Variants in PARP14 observed in about 807,000 individuals in gnomAD.
PARP14 encodes the protein protein mono-ADP-ribosyltransferase PARP14.
Under a neutral mutation model 154.2 loss-of-function variants are expected in PARP14, and 59 were observed. That is an observed-to-expected ratio of 0.38 (90% CI 0.31 to 0.48). The LOEUF (loss-of-function observed/expected upper bound fraction) is 0.48, where lower values mean the gene tolerates loss of function less well. Ranked by LOEUF, PARP14 falls within the 20% of genes least tolerant of loss-of-function variation. The probability of loss-of-function intolerance (pLI) is 0.98; values close to 1 mark genes in which losing one functional copy is unlikely to be tolerated. For missense variants in PARP14, 1,734 were observed against 2,131.6 expected, an observed-to-expected ratio of 0.81 and a Z score of 3.67; for synonymous variants, 720 against 780.5, an observed-to-expected ratio of 0.92 and a Z score of 1.29.
chr3:122,695,494 C>A lies in PARP14; in HGVS notation c.667C>A (p.Leu223Ile), dbSNP rs1938743958. The change falls in exon 5 of 17, where the codon CTT becomes ATT. Residue 223 changes from leucine (L) to isoleucine (I), a missense_variant. Around this residue, in one of 2 missense-constraint regions of PARP14, gnomAD observed 1,646 missense variants for 1,976.0 expected, o/e 0.83. Coordinates refer to ENST00000474629, the MANE Select transcript of PARP14 (RefSeq NM_017554.3). ...TAAACAACTTCAGCTTTCTCCAAGA[C>A]TTCTGGAAGTGACAAACACAATCAG... The part of the protein sequence containing the change: ...SIKQLQLSPR[L>I]LEVTNTIRVE... The A allele has an allele frequency of 6.2e-7, 1 of 1,610,320 alleles. No homozygotes were observed. Among genetic ancestry groups the A allele is most frequent in the Non-Finnish European group, 8.5e-7 (1 of 1,177,646 alleles).
At position 122,718,847 on chromosome 3, in the gene PARP14, A is replaced by AT. The variant is rs781766635; in HGVS notation, c.4696_4697insT (p.Thr1566IlefsTer3). Reference sequence around the variant, plus strand: ...GGATGCAAGGAGAGAAAAGAAAAAAACAGTTGATGTCAAAATTAATCATCG... The same window carrying AT: ...GGATGCAAGGAGAGAAAAGAAAAAAATCAGTTGATGTCAAAATTAATCATCG... On this transcript the variant is annotated frameshift_variant, in exon 14 of 17. Transcript: ENST00000474629. LOFTEE classifies it high-confidence loss of function. 3.1e-6 allele frequency: 5 copies of AT among 1,614,014 alleles called. No homozygotes were observed.
intron 15 of PARP14, chr3:122,720,615 T>C (rs1037234035): frequency 3.5e-6 from 2 of 573,360 alleles, no homozygotes; most frequent in African/African-American, 1.9e-5. Context: ...GATAGAACAC[T>C]AAAGACATAT....
At position 122,681,098 on chromosome 3, in the gene PARP14, A is replaced by T; in HGVS notation, c.187+28A>T. The T allele has an allele frequency of 7.4e-7, 1 of 1,349,922 alleles. No individual in the cohort carries two copies. 83.6% of individuals were successfully genotyped at this position (1,349,922 alleles called of 1,614,324 possible). On this transcript the variant is annotated intron_variant, in intron 1 of 16. Transcript: ENST00000474629. This position sits in a 1 kb window ranked among gnomAD's most constrained non-coding sequence, Gnocchi z 5.5. The stretch of plus-strand genomic sequence containing the variant: ...GAGGGGCGCGAGGGGTGGGGTGAGG[A>T]GGGGGCACCTCTGCCCTCCCTCCAG...
rs1259333125 is a variant in PARP14, at chr3:122,699,738, G to C, written c.1184G>C (p.Arg395Thr). The C allele has an allele frequency of 6.2e-7, 1 of 1,613,890 alleles. No homozygotes were observed. Among genetic ancestry groups the C allele is most frequent in the Admixed American group, 1.7e-5 (1 of 60,018 alleles). Reference sequence around the variant, plus strand: ...ACTTCCACAACACTCTCTAGCATCAGGTCTAAATATAAAGTCAACCCAATT... The same window carrying C: ...ACTTCCACAACACTCTCTAGCATCACGTCTAAATATAAAGTCAACCCAATT... ...ADTSTTLSSIRSKYKVNPIKV... is the reference protein window; with the variant it reads ...ADTSTTLSSITSKYKVNPIKV... Residue 395 changes from arginine (R) to threonine (T), a missense_variant, in exon 6 of 17, where the codon AGG (arginine) becomes ACG (threonine). Coordinates refer to ENST00000474629, the MANE Select transcript of PARP14 (RefSeq NM_017554.3).
intron 2 of PARP14, 68 bp downstream of exon 2, chr3:122,685,386 A>G (rs1200262768): frequency 4.2e-5 from 59 of 1,411,704 alleles, no homozygotes; most frequent in Non-Finnish European, 5.7e-5. Flanking sequence ...GGGAATCACC[A>G]TGAAGAAAAT....
intron 2 of PARP14, chr3:122,686,861 G>T: frequency 2.0e-6 from 1 of 506,326 alleles, no homozygotes; most frequent in East Asian, 3.2e-5. Context: ...GTTAATTGAG[G>T]TTTCTGTTAT....
In PARP14 at chr3:122,700,166, G is replaced by C. The variant is rs1487954301; in HGVS notation, c.1612G>C (p.Val538Leu). The stretch of plus-strand genomic sequence containing the variant: ...CACCATGGCTCAGAAAAACATTCAG[G>C]TTTCTCCTGAGATTTTTCAGTTTTT... ...VYTMAQKNIQ[V>L]SPEIFQFLQQ... Residue 538 changes from valine (V) to leucine (L), a missense_variant, in exon 6 of 17, where the codon GTT becomes CTT. Val to Leu is a conservative substitution (Grantham distance 32). Around this residue, in one of 2 missense-constraint regions of PARP14, gnomAD observed 1,646 missense variants for 1,976.0 expected, o/e 0.83. Coordinates refer to ENST00000474629, the MANE Select transcript of PARP14 (RefSeq NM_017554.3). 6.2e-7 allele frequency: 1 copy of C among 1,613,070 alleles called. No individual in the cohort carries two copies. The highest frequency in any genetic ancestry group is 8.5e-7 in the Non-Finnish European group (1 of 1,179,418).
Position 122,700,305 on chromosome 3 carries a change from C to T in PARP14, c.1751C>T (p.Ala584Val), listed in dbSNP as rs750564413. 1 of 1,613,304 alleles carries T rather than the reference C, an allele frequency of 6.2e-7. No homozygotes were observed. Among genetic ancestry groups the T allele is most frequent in the South Asian group, 1.1e-5 (1 of 90,980 alleles). The change falls in exon 6 of 17, where the codon GCC (alanine) becomes GTC (valine). Residue 584 changes from alanine (A) to valine (V), a missense_variant. Physicochemically the swap from Ala to Val is moderately conservative, Grantham distance 64. This residue lies in a region of PARP14 where 1,646 missense variants were observed against 1,976.0 expected (regional missense o/e 0.83). Coordinates refer to ENST00000474629, the MANE Select transcript of PARP14 (RefSeq NM_017554.3). Reference sequence around the variant, plus strand: ...CTCTTAACCAGCTGTTCTTCTGAAGCCCTGTTAGAAGCAGAAAAGCAAATG... The same window carrying T: ...CTCTTAACCAGCTGTTCTTCTGAAGTCCTGTTAGAAGCAGAAAAGCAAATG... ...TVLLTSCSSE[A>V]LLEAEKQMLS... is the part of the protein sequence containing the mutation.
At chr3:122,716,884 T>C (rs1449131230) in intron 12 of PARP14, among the ~76,000 whole-genome samples, 2 of 152,224 alleles carry the variant, frequency 1.3e-5, no homozygotes, top group Non-Finnish European at 2.9e-5. Context: ...TTTCACCTGT[T>C]GATCACCTGT....
chr3:122,709,221 G>A (rs1560072081), intron 9 of PARP14, among the ~76,000 whole-genome samples: 1 of 150,802 alleles, frequency 6.6e-6, no homozygotes, highest in Non-Finnish European at 1.5e-5. Flanking sequence ...CCTTCCCCCT[G>A]GAGTCCCCAA....
Position 122,700,914 on chromosome 3 carries a change from C to T in PARP14, c.2360C>T (p.Pro787Leu), listed in dbSNP as rs774915593. Residue 787 changes from proline (P) to leucine (L), a missense_variant, in exon 6 of 17, where the codon CCC (proline) becomes CTC (leucine). By Grantham distance (98) the Pro-to-Leu change is moderately conservative. Transcript: ENST00000474629. ...GAAGTAATGAAGGAGGGAGGCAGCCCCGCTGGGCAGAAGTGCTTCTCTCGG... is the reference window on the plus strand; with the variant it reads ...GAAGTAATGAAGGAGGGAGGCAGCCTCGCTGGGCAGAAGTGCTTCTCTCGG... ...ENEVMKEGGS[P>L]AGQKCFSRTV... The T allele has an allele frequency of 8.7e-6, 14 of 1,613,998 alleles. No individual in the cohort carries two copies. In the Admixed American group the frequency reaches 2.2e-4, roughly 25 times the overall value.
intron 8 of PARP14, among the ~76,000 whole-genome samples, chr3:122,706,702 C>G (rs1002031000): frequency 2.0e-5 from 3 of 152,108 alleles, no homozygotes; most frequent in African/African-American, 7.2e-5. Flanking sequence ...GGTTCCTTCT[C>G]CCATTATTGC....
chr3:122,722,818 G>A (rs1933192570), intron 15 of PARP14, among the ~76,000 whole-genome samples: 1 of 152,084 alleles, frequency 6.6e-6, no homozygotes, highest in Admixed American at 6.5e-5. Context: ...CAGACATCAT[G>A]ATACTCCTAT....
chr3:122,722,564 T>C (rs1166856670), intron 15 of PARP14: 7 of 152,186 alleles, frequency 4.6e-5, no homozygotes, highest in Non-Finnish European at 8.8e-5. Flanking sequence ...TAAAATCTTA[T>C]GTGAAATCCC....
Position 122,703,744 on chromosome 3 carries a change from C to T in PARP14, c.3084C>T (p.Thr1028=), listed in dbSNP as rs201071811. 1.4e-4 allele frequency: 220 copies of T among 1,576,416 alleles called. 2 individuals carry two copies. The African/African-American group carries it at 2.5e-3, about 18-fold the overall frequency. The change falls in exon 7 of 17, where the codon ACC becomes ACT. Residue 1028 remains threonine (T), a splice_region_variant and synonymous_variant. Coordinates refer to ENST00000474629, the MANE Select transcript of PARP14 (RefSeq NM_017554.3). ...LVKEGVQNAK[T]DVVVNSVPLD... is the part of the protein sequence containing the mutation. Reference sequence around the variant, plus strand: ...AAATTTTTGGTTTTGTCTTTAAGACCGATGTTGTTGTCAACTCCGTTCCCT... The same window carrying T: ...AAATTTTTGGTTTTGTCTTTAAGACTGATGTTGTTGTCAACTCCGTTCCCT...
At chr3:122,725,472 T>C (rs1560087307) in intron 15 of PARP14, among the ~76,000 whole-genome samples, 1 of 152,236 alleles carries the variant, frequency 6.6e-6, no homozygotes, top group African/African-American at 2.4e-5. Flanking sequence ...TCATTTTGTG[T>C]ACAAAATGAA....
intron 1 of PARP14, among the ~76,000 whole-genome samples, chr3:122,682,835 G>A (rs571535726): frequency 2.0e-5 from 3 of 152,140 alleles, no homozygotes; most frequent in South Asian, 4.2e-4. Flanking sequence ...GGTGGATGAC[G>A]AGTTGAGGAG....
Position 122,718,252 on chromosome 3 carries a change from A to G in PARP14, c.4182A>G (p.Gln1394=), listed in dbSNP as rs1933050347. The change falls in exon 13 of 17, where the codon CAA becomes CAG. Residue 1394 remains glutamine (Q), a synonymous_variant. Coordinates refer to ENST00000474629, the MANE Select transcript of PARP14 (RefSeq NM_017554.3). ...GAGAAGGGACTCAGCTTTCTTCCCA[A>G]CAGTCTGTGATGTCTAAACTTGCAT... ...KKREGTQLSS[Q]QSVMSKLASF... The G allele has an allele frequency of 6.2e-7, 1 of 1,613,586 alleles. No individual in the cohort carries two copies. The highest frequency in any genetic ancestry group is 8.5e-7 in the Non-Finnish European group (1 of 1,179,688).
chr3:122,712,715 G>A (rs1406116266), intron 9 of PARP14, among the ~76,000 whole-genome samples: 1 of 151,830 alleles, frequency 6.6e-6, no homozygotes, highest in African/African-American at 2.4e-5. Context: ...CACCATCCCA[G>A]CTAATATTTG....
Sources: gnomAD v4.1 joint callset for allele counts (sites outside exome capture counted in the v4.1 genomes callset) on GRCh38, gnomAD v4.1.1 for gene constraint, gnomAD v4.1.1 regional missense constraint, Gnocchi (gnomAD v3.1) non-coding constraint, MANE v1.5 for transcripts, NCBI Gene and HGNC (gene_info 2026-07-23, HGNC 2026-07-21) for gene names.